RTP4: variants seen among roughly 807,000 people sequenced by gnomAD.
RTP4 encodes receptor-transporting protein 4.
A neutral mutation model predicts 6.5 loss-of-function variants in RTP4; 5 were observed. The ratio of observed to expected loss-of-function variants is 0.77; its 90% CI spans 0.40 to 1.62. RTP4 has a LOEUF of 1.62. Among genes scored for constraint, RTP4 ranks in the 40% most tolerant of loss-of-function variants. The pLI is 0.02. For synonymous variants in RTP4, 112 were observed against 114.8 expected (o/e 0.98, Z 0.15); for missense variants, 266 against 288.7 (o/e 0.92, Z 0.57).
intron 1 of RTP4, 71 bp from the exon 2 acceptor site, chr3:187,370,717 G>T: frequency 9.4e-7 from 1 of 1,067,972 alleles, no homozygotes; most frequent in Non-Finnish European, 1.4e-6. Flanking sequence ...TTAGTGACAG[G>T]GGCCAAGACC....
At position 187,370,819 on chromosome 3, in the gene RTP4, G is replaced by A. The variant is rs747016804; in HGVS notation, c.187G>A (p.Ala63Thr). 3.7e-6 allele frequency: 6 copies of A among 1,613,266 alleles called. No individual in the cohort carries two copies. The highest frequency in any genetic ancestry group is 5.1e-6 in the Non-Finnish European group (6 of 1,179,454). Reference sequence around the variant, plus strand: ...GTGTTCCTCCTGCCAGCGAAGTTGGGCTTCCGCCCAAGTGCAGATTCTGTG... The same window carrying A: ...GTGTTCCTCCTGCCAGCGAAGTTGGACTTCCGCCCAAGTGCAGATTCTGTG... Reference protein sequence around the residue: ...FRCSSCQRSWASAQVQILCHT... With the variant: ...FRCSSCQRSWTSAQVQILCHT... The change falls in exon 2 of 2, where the codon GCT becomes ACT. Residue 63 changes from alanine (A) to threonine (T), a missense_variant. Physicochemically the swap from Ala to Thr is moderately conservative, Grantham distance 58. Transcript: ENST00000259030.
In RTP4 at chr3:187,371,596, T is replaced by G; in HGVS notation, c.*223T>G. On this transcript the variant is annotated 3_prime_UTR_variant, in exon 2 of 2. Coordinates refer to ENST00000259030, the MANE Select transcript of RTP4 (RefSeq NM_022147.3). ...CGAATTGCTAAAAAGTCTTCAATCA[T>G]TCATTCACTAAGTCACTCAGTGATA... The G allele has an allele frequency of 3.8e-6, 2 of 526,970 alleles. No homozygotes were observed. Among genetic ancestry groups the G allele is most frequent in the East Asian group, 3.2e-5 (1 of 31,664 alleles). The allele number at this position is 526,970 out of a possible 1,614,324, so 32.6% of individuals were successfully genotyped here.
Position 187,368,456 on chromosome 3 carries a change from C to T in RTP4, c.15C>T (p.Phe5=), listed in dbSNP as rs372871103. Residue 5 remains phenylalanine (F), a synonymous_variant, in exon 1 of 2, where the codon TTC becomes TTT. Transcript: ENST00000259030. ...AGAGGGAAAAAATGGTTGTAGATTT[C>T]TGGACTTGGGAGCAGACATTTCAAG... MVVD[F]WTWEQTFQEL... is the part of the protein sequence containing the mutation. The T allele has an allele frequency of 6.3e-5, 101 of 1,611,866 alleles. No individual in the cohort carries two copies. The highest frequency in any genetic ancestry group is 8.1e-5 in the Non-Finnish European group (95 of 1,179,266).
In RTP4 at chr3:187,371,424, A is replaced by C; in HGVS notation, c.*51A>C. The C allele has an allele frequency of 7.6e-7, 1 of 1,313,708 alleles. No individual in the cohort carries two copies. Among genetic ancestry groups the C allele is most frequent in the Non-Finnish European group, 1.0e-6 (1 of 955,680 alleles). 81.4% of individuals were successfully genotyped at this position (1,313,708 alleles called of 1,614,324 possible). Reference sequence around the variant, plus strand: ...TATTTTAATTCCATGGTAGTCAATGAACTGGCTGCCACTTTAATATAACTG... The same window carrying C: ...TATTTTAATTCCATGGTAGTCAATGCACTGGCTGCCACTTTAATATAACTG... On this transcript the variant is annotated 3_prime_UTR_variant, in exon 2 of 2. Coordinates refer to ENST00000259030, the MANE Select transcript of RTP4 (RefSeq NM_022147.3).
intron 1 of RTP4, 117 bp from the exon 2 acceptor site, chr3:187,370,671 C>A: frequency 1.4e-6 from 1 of 700,748 alleles, no homozygotes; most frequent in Non-Finnish European, 2.4e-6. Flanking sequence ...CTGGGACAAT[C>A]TAAATCACAT....
chr3:187,369,470 T>G (rs1375814642), intron 1 of RTP4, among the ~76,000 whole-genome samples: 1 of 152,056 alleles, frequency 6.6e-6, no homozygotes, highest in African/African-American at 2.4e-5. Context: ...CACCCCTCCC[T>G]GCTCATCCTT....
Position 187,368,400 on chromosome 3 carries a change from G to T in RTP4, c.-42G>T. On this transcript the variant is annotated 5_prime_UTR_variant, in exon 1 of 2. Coordinates refer to ENST00000259030, the MANE Select transcript of RTP4 (RefSeq NM_022147.3). ...AACTGTTTGTCTCTTCCTGAGAAAC[G>T]AGCAAACCTGAAAGCTACTCTCTCA... 1.3e-6 allele frequency: 2 copies of T among 1,562,714 alleles called. No individual in the cohort carries two copies. The highest frequency in any genetic ancestry group is 2.4e-5 in the South Asian group (2 of 82,640).
In RTP4 at chr3:187,370,870, T is replaced by C. The variant is rs1418544165; in HGVS notation, c.238T>C (p.Ser80Pro). 1 of 1,614,124 alleles carries C rather than the reference T, an allele frequency of 6.2e-7. No homozygotes were observed. Among genetic ancestry groups the C allele is most frequent in the South Asian group, 1.1e-5 (1 of 91,080 alleles). Residue 80 changes from serine to proline, a missense_variant, in exon 2 of 2, where the codon TCC becomes CCC. Ser to Pro is a moderately conservative substitution (Grantham distance 74, BLOSUM62 -1). Transcript: ENST00000259030. ...CCACACGTACTGGGAGCACTGGACA[T>C]CCCAGGGTCAGGTGCGTATGAGGCT... ...LCHTYWEHWT[S>P]QGQVRMRLFG...
intron 1 of RTP4, among the ~76,000 whole-genome samples, chr3:187,369,595 T>C (rs1412070133): frequency 6.6e-6 from 1 of 151,348 alleles, no homozygotes; most frequent in East Asian, 1.9e-4. Flanking sequence ...AAAATATATA[T>C]GTATATGTAT....
Position 187,371,356 on chromosome 3 carries a change from T to G in RTP4, c.724T>G (p.Cys242Gly). ...GCTGCTTGTATTTATTGTAGTCAAA[T>G]GCTTTACATCAGAATGATGAAAATA... ...ILLLVFIVVK[C>G]FTSE Residue 242 changes from cysteine to glycine, a missense_variant, in exon 2 of 2, where the codon TGC becomes GGC. Coordinates refer to ENST00000259030, the MANE Select transcript of RTP4 (RefSeq NM_022147.3). The G allele has an allele frequency of 6.3e-7, 1 of 1,598,176 alleles. No individual in the cohort carries two copies. Among genetic ancestry groups the G allele is most frequent in the South Asian group, 1.1e-5 (1 of 90,986 alleles).
chr3:187,370,565 G>T (rs1360244871), intron 1 of RTP4, among the ~76,000 whole-genome samples: 1 of 152,184 alleles, frequency 6.6e-6, no homozygotes, highest in Admixed American at 6.5e-5. Context: ...CTAGCAAAGA[G>T]GTAGACTTGG....
chr3:187,371,172 C>G lies in RTP4; in HGVS notation c.540C>G (p.His180Gln), dbSNP rs866239987. 6.2e-7 allele frequency: 1 copy of G among 1,614,128 alleles called. No homozygotes were observed. Among genetic ancestry groups the G allele is most frequent in the Non-Finnish European group, 8.5e-7 (1 of 1,180,048 alleles). ...AGCCGTCCAAATCCCTACTCCCCCA[C>G]CTAAAGACTGGGAATTCCTCACCTG... ...MTKPSKSLLP[H>Q]LKTGNSSPGI... The change falls in exon 2 of 2, where the codon CAC becomes CAG. Residue 180 changes from histidine to glutamine, a missense_variant. Transcript: ENST00000259030.
chr3:187,368,476 T>G lies in RTP4; in HGVS notation c.35T>G (p.Phe12Cys). The G allele has an allele frequency of 6.2e-7, 1 of 1,613,748 alleles. No homozygotes were observed. Among genetic ancestry groups the G allele is most frequent in the Non-Finnish European group, 8.5e-7 (1 of 1,179,908 alleles). ...VVDFWTWEQT[F>C]QELIQEAKPR... The stretch of plus-strand genomic sequence containing the variant: ...GATTTCTGGACTTGGGAGCAGACAT[T>G]TCAAGAACTAATCCAAGAGGCAAAA... The change falls in exon 1 of 2, where the codon TTT becomes TGT. Residue 12 changes from phenylalanine (F) to cysteine (C), a missense_variant. Phe to Cys is a radical substitution (Grantham distance 205, BLOSUM62 -2). Coordinates refer to ENST00000259030, the MANE Select transcript of RTP4 (RefSeq NM_022147.3).
chr3:187,371,143 A>G lies in RTP4; in HGVS notation c.511A>G (p.Thr171Ala). 1 of 1,614,156 alleles carries G rather than the reference A, an allele frequency of 6.2e-7. No homozygotes were observed. The change falls in exon 2 of 2, where the codon ACA becomes GCA. Residue 171 changes from threonine to alanine, a missense_variant. Thr to Ala is a moderately conservative substitution (Grantham distance 58, BLOSUM62 0). Transcript: ENST00000259030. The stretch of plus-strand genomic sequence containing the variant: ...TGGACAGGGCTTAAAAAGCTGCATG[A>G]CAAAGCCGTCCAAATCCCTACTCCC... ...ICGQGLKSCM[T>A]KPSKSLLPHL...
Position 187,371,305 on chromosome 3 carries a change from C to T in RTP4, c.673C>T (p.Pro225Ser). 1 of 1,604,770 alleles carries T rather than the reference C, an allele frequency of 6.2e-7. No homozygotes were observed. Among genetic ancestry groups the T allele is most frequent in the Non-Finnish European group, 8.5e-7 (1 of 1,179,950 alleles). The change falls in exon 2 of 2, where the codon CCA becomes TCA. Residue 225 changes from proline to serine, a missense_variant. Transcript: ENST00000259030. Reference protein sequence around the residue: ...EKLGPSRDPDPLNICVFILLL... With the variant: ...EKLGPSRDPDSLNICVFILLL... ...ATTAGGGCCCAGTCGAGACCCAGAT[C>T]CACTGAACATCTGTGTCTTTATTTT...
intron 1 of RTP4, among the ~76,000 whole-genome samples, chr3:187,370,343 G>A (rs567424729): frequency 5.5e-4 from 83 of 152,288 alleles, no homozygotes; most frequent in Non-Finnish European, 9.9e-4. Context: ...AGCAGGTTGC[G>A]TATCCTTTTC....
chr3:187,369,614 GATAT>G (rs1711568706), intron 1 of RTP4, among the ~76,000 whole-genome samples: 1 of 150,530 alleles, frequency 6.6e-6, no homozygotes, highest in African/African-American at 2.4e-5. Flanking sequence ...ATACATAAAT[GATAT>G]ATAATTATAT....
intron 1 of RTP4, among the ~76,000 whole-genome samples, chr3:187,370,062 C>T (rs916529119): frequency 3.9e-5 from 6 of 152,190 alleles, no homozygotes; most frequent in African/African-American, 9.7e-5. Flanking sequence ...TCACATACAT[C>T]GTCTCTTTTG....
Position 187,370,931 on chromosome 3 carries a change from A to G in RTP4, c.299A>G (p.Gln100Arg), listed in dbSNP as rs1465225431. 6.2e-7 allele frequency: 1 copy of G among 1,614,230 alleles called. No individual in the cohort carries two copies. Among genetic ancestry groups the G allele is most frequent in the Admixed American group, 1.7e-5 (1 of 60,026 alleles). The change falls in exon 2 of 2, where the codon CAA (glutamine) becomes CGA (arginine). Residue 100 changes from glutamine (Q) to arginine (R), a missense_variant. Physicochemically the swap from Gln to Arg is conservative, Grantham distance 43 (BLOSUM62 1). Coordinates refer to ENST00000259030, the MANE Select transcript of RTP4 (RefSeq NM_022147.3). The part of the protein sequence containing the change: ...GQRCQKCSWS[Q>R]YEMPEFSSDS... ...AGGTGCCAGAAGTGCTCCTGGTCCC[A>G]ATATGAGATGCCTGAGTTCTCCTCG... is the stretch of plus-strand genomic sequence containing the variant.
Sources: gnomAD v4.1 joint callset for allele counts (sites outside exome capture counted in the v4.1 genomes callset) on GRCh38, gnomAD v4.1.1 for gene constraint, MANE v1.5 for transcripts, NCBI Gene and HGNC (gene_info 2026-07-23, HGNC 2026-07-21) for gene names.